CBFA2T2: variants seen among roughly 807,000 people sequenced by gnomAD.
The protein encoded by CBFA2T2 is protein CBFA2T2.
A neutral mutation model predicts 62.2 loss-of-function variants in CBFA2T2; 11 were observed. That is an observed-to-expected ratio of 0.18 (90% CI 0.11 to 0.29). The LOEUF (loss-of-function observed/expected upper bound fraction) is 0.29. CBFA2T2 is among the 10% of genes least tolerant of loss of function. The pLI, the probability that CBFA2T2 is intolerant of heterozygous loss-of-function variation, is 1.00. For missense variants in CBFA2T2, 592 were observed against 774.1 expected, an observed-to-expected ratio of 0.76 and a Z score of 2.79; for synonymous variants, 295 against 287.5, an observed-to-expected ratio of 1.03 and a Z score of -0.27.
intron 8 of CBFA2T2, among the ~76,000 whole-genome samples, chr20:33,630,876 G>A (rs552485150): frequency 6.3e-4 from 96 of 152,284 alleles, no homozygotes; most frequent in Non-Finnish European, 1.2e-3. Context: ...ACAGACAGTG[G>A]GAGTTAAAGG....
intron 9 of CBFA2T2, among the ~76,000 whole-genome samples, 139 bp from the exon 10 acceptor site, chr20:33,640,188 TGGATGGACACATGA>T (rs1165859433): frequency 2.6e-5 from 4 of 152,226 alleles, no homozygotes; most frequent in African/African-American, 9.6e-5. Flanking sequence ...AGCACCTGCA[TGGATGGACACATGA>T]GTGTGAAGAT....
At chr20:33,501,269 A>G (rs1222196630) in intron 1 of CBFA2T2, among the ~76,000 whole-genome samples, 1 of 152,124 alleles carries the variant, frequency 6.6e-6, no homozygotes, top group Non-Finnish European at 1.5e-5. Flanking sequence ...CCCTTGATAC[A>G]CTATTTTGGC....
Position 33,531,953 on chromosome 20 carries a change from A to AT in CBFA2T2, c.34+41658dup, listed in dbSNP as rs577871103. On this transcript the variant is annotated intron_variant, in intron 1 of 10. Coordinates refer to ENST00000342704, the MANE Select transcript of CBFA2T2 (RefSeq NM_001032999.3). ...TTAATCATATCTTCACCTACTCTTT[A>AT]TTTTTTAACAATTTATTGTGGGGAA... 1.8e-4 allele frequency among the ~76,000 whole-genome samples: 27 copies of AT among 152,324 alleles called. No homozygotes were observed. In the South Asian group the frequency reaches 5.0e-3, roughly 28 times the overall value.
At chr20:33,593,420 G>A (rs1461149705) in intron 1 of CBFA2T2, among the ~76,000 whole-genome samples, 4 of 115,982 alleles carry the variant, frequency 3.4e-5, no homozygotes, top group Non-Finnish European at 6.8e-5. Context: ...TTTTGAGACA[G>A]AGTCTCACTG....
chr20:33,538,671 T>C (rs1419579313), intron 1 of CBFA2T2, among the ~76,000 whole-genome samples: 4 of 152,214 alleles, frequency 2.6e-5, no homozygotes, highest in Non-Finnish European at 5.9e-5. Context: ...TGGCCTCCGT[T>C]GGATTTTCTG....
intron 1 of CBFA2T2, among the ~76,000 whole-genome samples, chr20:33,566,762 G>T (rs948800750): frequency 6.6e-6 from 1 of 152,172 alleles, no homozygotes; most frequent in East Asian, 1.9e-4. Context: ...TGGCAGGATG[G>T]AAAGGTTCCC....
At chr20:33,522,611 A>C (rs2011761363) in intron 1 of CBFA2T2, among the ~76,000 whole-genome samples, 1 of 152,006 alleles carries the variant, frequency 6.6e-6, no homozygotes, top group Non-Finnish European at 1.5e-5. Context: ...GCTTCGTGAT[A>C]TGTGCCTGTA....
chr20:33,636,617 T>A (rs746626957), intron 8 of CBFA2T2, 23 bp from the exon 9 acceptor site: 14 of 1,598,442 alleles, frequency 8.8e-6, no homozygotes, highest in Non-Finnish European at 1.1e-5. Flanking sequence ...TCTGACCCTA[T>A]GCTTTTTATG....
At chr20:33,514,411 C>T (rs1255521479) in intron 1 of CBFA2T2, among the ~76,000 whole-genome samples, 1 of 151,698 alleles carries the variant, frequency 6.6e-6, no homozygotes, top group Non-Finnish European at 1.5e-5. Flanking sequence ...GACGGGGTTT[C>T]ACCATGTCTG....
chr20:33,520,236 G>A (rs911414654), intron 1 of CBFA2T2, among the ~76,000 whole-genome samples: 2 of 152,106 alleles, frequency 1.3e-5, no homozygotes, highest in South Asian at 2.1e-4. Flanking sequence ...AGTGATAAAC[G>A]GAGATAACTG....
intron 1 of CBFA2T2, among the ~76,000 whole-genome samples, chr20:33,582,938 TA>T (rs1179723293): frequency 2.5e-3 from 351 of 140,738 alleles, no homozygotes; most frequent in Admixed American, 2.6e-3. Context: ...CAAGACAGTC[TA>T]AAAAAAAAAA....
At chr20:33,634,788 A>T (rs971426660) in intron 8 of CBFA2T2, among the ~76,000 whole-genome samples, 8 of 152,184 alleles carry the variant, frequency 5.3e-5, no homozygotes, top group Admixed American at 5.2e-4. Context: ...GACCTCATTC[A>T]GTGTCACAGG....
At chr20:33,561,216 G>A (rs2013078518) in intron 1 of CBFA2T2, among the ~76,000 whole-genome samples, 1 of 151,938 alleles carries the variant, frequency 6.6e-6, no homozygotes, top group Non-Finnish European at 1.5e-5. Flanking sequence ...GTCTCACTGT[G>A]TTGCCCAGGC....
chr20:33,613,928 G>T (rs1363633382), intron 3 of CBFA2T2, among the ~76,000 whole-genome samples: 2 of 152,080 alleles, frequency 1.3e-5, no homozygotes, highest in Non-Finnish European at 2.9e-5. Flanking sequence ...AAGACTAAAA[G>T]TAAAAATGTC....
At chr20:33,548,617 T>C (rs1473193714) in intron 1 of CBFA2T2, among the ~76,000 whole-genome samples, 1 of 152,146 alleles carries the variant, frequency 6.6e-6, no homozygotes, top group African/African-American at 2.4e-5. Context: ...GTTATCTTAA[T>C]AAAACTCATA....
Position 33,544,990 on chromosome 20 carries a change from T to TAGAACAGAACAGAAC in CBFA2T2, c.34+54693_34+54694insCAGAACAGAACAGAA, listed in dbSNP as rs1423129077. Among the ~76,000 whole-genome samples, 342 of 136,148 alleles carry TAGAACAGAACAGAAC rather than the reference T, an allele frequency of 2.5e-3. 2 individuals carry two copies. The highest frequency in any genetic ancestry group is 9.0e-3 in the African/African-American group (294 of 32,726). The allele number at this position is 136,148 out of a possible 152,430, so 89.3% of individuals were successfully genotyped here. A position where few individuals can be genotyped will look rare whatever the true frequency, so the allele number is the denominator to read the frequency against. ...TAGAATAGAATAGAATAGAATAGAA[T>TAGAACAGAACAGAAC]AGAATAGAATAGAATAGAATAGAAC... On this transcript the variant is annotated intron_variant, in intron 1 of 10. Coordinates refer to ENST00000342704, the MANE Select transcript of CBFA2T2 (RefSeq NM_001032999.3).
chr20:33,603,159 T>A (rs1274127699), intron 1 of CBFA2T2, among the ~76,000 whole-genome samples: 6 of 152,262 alleles, frequency 3.9e-5, no homozygotes, highest in Non-Finnish European at 7.3e-5. Context: ...GGAAGACTGC[T>A]GGGTGTTCAG....
intron 1 of CBFA2T2, among the ~76,000 whole-genome samples, chr20:33,602,787 C>T (rs940848838): frequency 6.6e-6 from 1 of 152,176 alleles, no homozygotes; most frequent in African/African-American, 2.4e-5. Flanking sequence ...TGCCTTTTCA[C>T]TTAGTACTTT....
chr20:33,528,687 C>T (rs965010081), intron 1 of CBFA2T2, among the ~76,000 whole-genome samples: 2 of 36,140 alleles, frequency 5.5e-5, no homozygotes, highest in African/African-American at 2.2e-4. Context: ...CTTAAATGTC[C>T]ACTCGTGTGT....
Sources: allele counts gnomAD v4.1 joint callset (sites outside exome capture counted in the v4.1 genomes callset), GRCh38; gene constraint gnomAD v4.1.1; transcripts MANE v1.5; gene names NCBI Gene and HGNC (gene_info 2026-07-23, HGNC 2026-07-21).